SVIL: variants seen among roughly 807,000 people sequenced by gnomAD.
SVIL encodes the protein supervillin.
Under a neutral mutation model 240.4 loss-of-function variants are expected in SVIL, and 101 were observed. The ratio of observed to expected loss-of-function variants is 0.42; its 90% CI spans 0.36 to 0.50. The LOEUF is 0.50. SVIL is among the 20% of genes least tolerant of loss of function. SVIL has a pLI of 0.01. For synonymous variants in SVIL, 999 were observed against 1,100.0 expected (o/e 0.91, Z 1.82); for missense variants, 2,512 against 2,818.7 (o/e 0.89, Z 2.46).
chr10:29,730,012 C>G (rs1405702624), intron 1 of SVIL, among the ~76,000 whole-genome samples: 1 of 149,194 alleles, frequency 6.7e-6, no homozygotes, highest in Non-Finnish European at 1.5e-5. Flanking sequence ...CAACATTTCT[C>G]TATAATTTTT....
chr10:29,638,391 G>A (rs1428591106), upstream of SVIL, among the ~76,000 whole-genome samples: 7 of 151,902 alleles, frequency 4.6e-5, no homozygotes, highest in Admixed American at 1.3e-4. Flanking sequence ...GCTTGAACCC[G>A]GGAGGCGGAG....
chr10:29,732,126 C>G (rs1394581734), intron 1 of SVIL, among the ~76,000 whole-genome samples: 1 of 152,196 alleles, frequency 6.6e-6, no homozygotes, highest in African/African-American at 2.4e-5. Context: ...GTTATGCACG[C>G]AGCTCATTTT....
intron 6 of SVIL, among the ~76,000 whole-genome samples, chr10:29,537,043 G>A (rs1238291188): frequency 3.3e-5 from 5 of 151,822 alleles, no homozygotes; most frequent in East Asian, 1.9e-4. Flanking sequence ...GCAGTGGCAC[G>A]TTGGTAAATA....
chr10:29,459,592 C>T (rs530362673), intron 36 of SVIL, among the ~76,000 whole-genome samples: 43 of 152,294 alleles, frequency 2.8e-4, no homozygotes, highest in African/African-American at 1.0e-3. Flanking sequence ...GAAAATGCAC[C>T]TAGAATATTC....
chr10:29,499,370 T>G (rs1434642959), intron 17 of SVIL, 107 bp from the exon 18 acceptor site: 1 of 1,411,482 alleles, frequency 7.1e-7, no homozygotes, highest in Admixed American at 1.9e-5. Context: ...CAAAGAGGAG[T>G]AAGTATATTG....
chr10:29,631,054 C>T (rs1958069033), intron 1 of SVIL, among the ~76,000 whole-genome samples: 2 of 152,138 alleles, frequency 1.3e-5, no homozygotes, highest in South Asian at 4.1e-4. Flanking sequence ...AGGCCAGAGG[C>T]ATGTCAGAGG....
chr10:29,655,175 C>T (rs1417213532), intron 3 of SVIL, among the ~76,000 whole-genome samples: 1 of 152,148 alleles, frequency 6.6e-6, no homozygotes, highest in Non-Finnish European at 1.5e-5. Context: ...GGAGAACTGC[C>T]TCACACAATT....
chr10:29,659,353 C>T (rs1275854938), intron 2 of SVIL, among the ~76,000 whole-genome samples: 1 of 152,154 alleles, frequency 6.6e-6, no homozygotes. Context: ...CTTCTCATCT[C>T]CTCTCTGTTG....
chr10:29,512,075 A>G (rs1949879210), intron 17 of SVIL, among the ~76,000 whole-genome samples: 1 of 152,250 alleles, frequency 6.6e-6, no homozygotes, highest in Admixed American at 6.5e-5. Flanking sequence ...GCCAGCAAGT[A>G]AGTCACCATC....
At chr10:29,672,990 T>G (rs1391078845) in intron 2 of SVIL, among the ~76,000 whole-genome samples, 1 of 152,160 alleles carries the variant, frequency 6.6e-6, no homozygotes, top group Non-Finnish European at 1.5e-5. Flanking sequence ...ATTGGCTCAT[T>G]GCAACTGCAG....
chr10:29,487,714 C>T (rs1391904535), intron 23 of SVIL: 1 of 159,752 alleles, frequency 6.3e-6, no homozygotes, highest in East Asian at 1.8e-4. Flanking sequence ...GTCGGCTCTT[C>T]CCCTGGGGAG....
intron 12 of SVIL, among the ~76,000 whole-genome samples, chr10:29,529,175 C>CAGA (rs1491188568): frequency 1.5e-5 from 1 of 66,068 alleles, no homozygotes; most frequent in African/African-American, 5.7e-5. Context: ...GACTCTCTCT[C>CAGA]AAAAAAAAAA....
intron 6 of SVIL, among the ~76,000 whole-genome samples, chr10:29,548,542 A>G (rs1347696124): frequency 6.6e-6 from 1 of 152,176 alleles, no homozygotes. Context: ...CAATTTCTCC[A>G]AATGGCAGCT....
chr10:29,699,156 GTCT>G (rs1447029058), intron 1 of SVIL, among the ~76,000 whole-genome samples: 3 of 152,056 alleles, frequency 2.0e-5, no homozygotes, highest in African/African-American at 7.2e-5. Context: ...TAGAGACAGG[GTCT>G]TGCTCTGTTG....
intron 2 of SVIL, among the ~76,000 whole-genome samples, chr10:29,662,904 A>C (rs1446207725): frequency 1.3e-5 from 2 of 152,192 alleles, no homozygotes; most frequent in Non-Finnish European, 2.9e-5. Flanking sequence ...TGAGGCCAGA[A>C]GTTTGAGACC....
Position 29,467,844 on chromosome 10 carries a change from T to A in SVIL, c.5875A>T (p.Ser1959Cys). ...TCACACTCGTGTATTGTGACTTTGCTGCTACTATGCAGTCCTGCTTCCAGG... is the reference window on the plus strand; with the variant it reads ...TCACACTCGTGTATTGTGACTTTGCAGCTACTATGCAGTCCTGCTTCCAGG... ...CPLEAGLHSS[S>C]KVTIHECDEG... is the part of the protein sequence containing the mutation. Residue 1959 changes from serine (S) to cysteine (C), a missense_variant, in exon 33 of 38, where the codon AGC (serine) becomes TGC (cysteine). Coordinates refer to ENST00000355867, the MANE Select transcript of SVIL (RefSeq NM_021738.3). 1.2e-6 allele frequency: 2 copies of A among 1,614,210 alleles called. No individual in the cohort carries two copies. The highest frequency in any genetic ancestry group is 4.5e-5 in the East Asian group (2 of 44,888).
chr10:29,487,260 G>A lies in SVIL; in HGVS notation c.4388C>T (p.Ala1463Val). The A allele has an allele frequency of 1.2e-6, 2 of 1,614,178 alleles. No individual in the cohort carries two copies. The highest frequency in any genetic ancestry group is 1.7e-6 in the Non-Finnish European group (2 of 1,180,018). ...GCAGTCCCCACTGTTGAGCGCCGAA[G>A]CTCGAGGTTCCACCAGCCTGGTCTG... ...HVQTRLVEPR[A>V]SALNSGDCFL... Residue 1463 changes from alanine (A) to valine (V), a missense_variant, in exon 24 of 38, where the codon GCT becomes GTT. Ala to Val is a moderately conservative substitution (Grantham distance 64). Coordinates refer to ENST00000355867, the MANE Select transcript of SVIL (RefSeq NM_021738.3).
chr10:29,465,723 C>A lies in SVIL; in HGVS notation c.6005G>T (p.Arg2002Leu). Reference sequence around the variant, plus strand: ...AGAGGAGCTGCTGAGGATGAACAGGCGGGGCGCGAAGTTAAAACTTCCAGG... The same window carrying A: ...AGAGGAGCTGCTGAGGATGAACAGGAGGGGCGCGAAGTTAAAACTTCCAGG... The part of the protein sequence containing the change: ...QDPGSFNFAP[R>L]LFILSSSSGD... The change falls in exon 34 of 38, where the codon CGC becomes CTC. Residue 2002 changes from arginine (R) to leucine (L), a missense_variant. By Grantham distance (102) the Arg-to-Leu change is moderately radical. Around this residue, in one of 3 missense-constraint regions of SVIL, gnomAD observed 797 missense variants for 925.3 expected, o/e 0.86. Coordinates refer to ENST00000355867, the MANE Select transcript of SVIL (RefSeq NM_021738.3). 1.9e-6 allele frequency: 3 copies of A among 1,612,512 alleles called. No homozygotes were observed. Among genetic ancestry groups the A allele is most frequent in the Non-Finnish European group, 1.7e-6 (2 of 1,179,926 alleles).
chr10:29,494,200 G>A (rs1377262490), intron 20 of SVIL, among the ~76,000 whole-genome samples: 4 of 152,186 alleles, frequency 2.6e-5, no homozygotes, highest in African/African-American at 9.7e-5. Flanking sequence ...AAAAGCAAGT[G>A]GGCAGCTGGA....
Sources: allele counts gnomAD v4.1 joint callset (sites outside exome capture counted in the v4.1 genomes callset), GRCh38; gene constraint gnomAD v4.1.1; regional missense constraint gnomAD v4.1.1; transcripts MANE v1.5; gene names NCBI Gene and HGNC (gene_info 2026-07-23, HGNC 2026-07-21).